Variants in FBXW7 observed in about 807,000 individuals in gnomAD.
FBXW7 encodes the protein F-box and WD repeat domain containing 7.
In FBXW7, 11 loss-of-function variants were observed where a neutral mutation model predicts 86.3. The observed-to-expected ratio is 0.13, with a 90% CI of 0.08 to 0.21. The LOEUF is 0.21. Among genes scored for constraint, FBXW7 ranks in the 10% least tolerant of loss-of-function variants. FBXW7 has a pLI of 1.00. For synonymous variants in FBXW7, 313 were observed against 297.9 expected, an observed-to-expected ratio of 1.05 and a Z score of -0.52; for missense variants, 488 against 847.4, an observed-to-expected ratio of 0.58 and a Z score of 5.27.
intron 2 of FBXW7, chr4:152,489,530 G>A (rs1019253216): frequency 6.6e-6 from 1 of 152,416 alleles, no homozygotes; most frequent in Non-Finnish European, 1.5e-5. Flanking sequence ...GTCACTTAAA[G>A]AGAAAAATCA....
intron 2 of FBXW7, among the ~76,000 whole-genome samples, chr4:152,496,660 AAAAAAAGAAAAAG>A (rs1367896384): frequency 2.0e-5 from 3 of 152,204 alleles, no homozygotes; most frequent in Non-Finnish European, 4.4e-5. Context: ...CCATCTCAAA[AAAAAAAGAAAAAG>A]AAAAAAGAAA....
intron 2 of FBXW7, among the ~76,000 whole-genome samples, chr4:152,450,531 T>C (rs1488247622): frequency 6.6e-6 from 1 of 152,140 alleles, no homozygotes; most frequent in Non-Finnish European, 1.5e-5. Flanking sequence ...TAGCGAAAAA[T>C]GTCCTAGTGC....
At position 152,501,128 on chromosome 4, in the gene FBXW7, T is replaced by C. The variant is rs554756240; in HGVS notation, c.-120+33813A>G. The stretch of plus-strand genomic sequence containing the variant: ...TTCTTGTAAGATATCTCAAAGCCTT[T>C]GATATATTAATGTGCATGGTAAAAT... On this transcript the variant is annotated intron_variant, in intron 2 of 13. Transcript: ENST00000281708. Among the ~76,000 whole-genome samples, 10 of 152,352 alleles carry C rather than the reference T, an allele frequency of 6.6e-5. No homozygotes were observed. The South Asian group carries it at 2.1e-3, about 32-fold the overall frequency.
intron 10 of FBXW7, chr4:152,329,094 AAAAT>A (rs1578884529): frequency 6.6e-6 from 1 of 151,906 alleles, no homozygotes; most frequent in East Asian, 1.9e-4. Context: ...TGGACAGATA[AAAAT>A]AAATATTCAC....
chr4:152,378,925 G>A (rs1164123976), intron 4 of FBXW7, among the ~76,000 whole-genome samples: 2 of 152,136 alleles, frequency 1.3e-5, no homozygotes, highest in Non-Finnish European at 2.9e-5. Context: ...AGGATCTCTT[G>A]CACCCAGGAG....
At chr4:152,401,431 C>T (rs1011057541) in intron 4 of FBXW7, among the ~76,000 whole-genome samples, 1 of 152,114 alleles carries the variant, frequency 6.6e-6, no homozygotes, top group African/African-American at 2.4e-5. Flanking sequence ...GTGAAAGAAG[C>T]CAATCTGAAA....
chr4:152,413,969 G>A (rs1458737623), intron 2 of FBXW7, among the ~76,000 whole-genome samples: 5 of 152,102 alleles, frequency 3.3e-5, no homozygotes, highest in African/African-American at 9.7e-5. Flanking sequence ...CACAGTAATT[G>A]TGTTCTATAA....
chr4:152,397,587 A>G (rs1736523823), intron 4 of FBXW7, among the ~76,000 whole-genome samples: 1 of 150,838 alleles, frequency 6.6e-6, no homozygotes, highest in Non-Finnish European at 1.5e-5. Context: ...TACGTAGTTC[A>G]TAAGAGCCTG....
chr4:152,521,710 C>G (rs1043801608), intron 2 of FBXW7, among the ~76,000 whole-genome samples: 1 of 151,594 alleles, frequency 6.6e-6, no homozygotes, highest in African/African-American at 2.4e-5. Context: ...CCAAAGGGAT[C>G]CCAGCAAAGA....
intron 4 of FBXW7, among the ~76,000 whole-genome samples, chr4:152,355,755 G>A (rs1181016080): frequency 6.6e-6 from 1 of 152,052 alleles, no homozygotes; most frequent in Admixed American, 6.6e-5. Flanking sequence ...CACTGTGCTA[G>A]GTGTAGAAGT....
chr4:152,469,032 A>C (rs1199599807), intron 2 of FBXW7, among the ~76,000 whole-genome samples: 1 of 152,092 alleles, frequency 6.6e-6, no homozygotes, highest in Non-Finnish European at 1.5e-5. Flanking sequence ...TTAGGCACCT[A>C]CTGTAGTTAC....
chr4:152,435,362 G>C (rs1024983951), intron 2 of FBXW7, among the ~76,000 whole-genome samples: 1 of 152,004 alleles, frequency 6.6e-6, no homozygotes, highest in Non-Finnish European at 1.5e-5. Flanking sequence ...ATTTTGGTTT[G>C]TCTAATTTTG....
At chr4:152,470,859 A>G (rs1014989500) in intron 2 of FBXW7, among the ~76,000 whole-genome samples, 1 of 152,164 alleles carries the variant, frequency 6.6e-6, no homozygotes, top group African/African-American at 2.4e-5. Context: ...ATTTGATGAT[A>G]AAACTCAGTA....
At chr4:152,464,565 T>C (rs1023923833) in intron 2 of FBXW7, among the ~76,000 whole-genome samples, 38 of 151,912 alleles carry the variant, frequency 2.5e-4, no homozygotes, top group Admixed American at 7.9e-4. Flanking sequence ...CTGCATAAAC[T>C]AGGAAGGGAA....
At chr4:152,500,421 A>G (rs1442500157) in intron 2 of FBXW7, among the ~76,000 whole-genome samples, 1 of 137,546 alleles carries the variant, frequency 7.3e-6, no homozygotes, top group South Asian at 2.3e-4. Flanking sequence ...ATGCAAAAGC[A>G]TGTTTCTTTC....
chr4:152,522,347 T>C (rs969059725), intron 2 of FBXW7, among the ~76,000 whole-genome samples: 2 of 152,202 alleles, frequency 1.3e-5, no homozygotes, highest in African/African-American at 4.8e-5. Flanking sequence ...TTGGAGTACT[T>C]TCCCTGTAAC....
intron 4 of FBXW7, among the ~76,000 whole-genome samples, chr4:152,355,629 A>G (rs1732298988): frequency 6.6e-6 from 1 of 152,134 alleles, no homozygotes; most frequent in Admixed American, 6.6e-5. Flanking sequence ...TCTTGTGTTG[A>G]CTGACAACCT....
intron 2 of FBXW7, among the ~76,000 whole-genome samples, chr4:152,437,141 C>G (rs1740455190): frequency 6.6e-6 from 1 of 152,146 alleles, no homozygotes; most frequent in African/African-American, 2.4e-5. Context: ...ACTCCAGATA[C>G]CATTAAGAAT....
intron 4 of FBXW7, among the ~76,000 whole-genome samples, chr4:152,384,771 G>T (rs1372120511): frequency 6.6e-6 from 1 of 151,864 alleles, no homozygotes; most frequent in Admixed American, 6.6e-5. Flanking sequence ...AAAACCTCGA[G>T]AGATCTAAGG....
Sources: allele counts gnomAD v4.1 joint callset (sites outside exome capture counted in the v4.1 genomes callset), GRCh38; gene constraint gnomAD v4.1.1; transcripts MANE v1.5; gene names NCBI Gene and HGNC (gene_info 2026-07-23, HGNC 2026-07-21).